The following ZDHHC14 variants were observed in gnomAD, a reference collection of about 807,000 sequenced individuals.
ZDHHC14 encodes the protein zDHHC palmitoyltransferase 14, also known as palmitoyltransferase ZDHHC14.
In ZDHHC14, 16 loss-of-function variants were observed where a neutral mutation model predicts 47.7. The observed-to-expected ratio is 0.34, with a 90% CI of 0.23 to 0.51. ZDHHC14 has a LOEUF of 0.51. Ranked by LOEUF, ZDHHC14 falls within the 20% of genes least tolerant of loss-of-function variation. The pLI is 0.97. For missense variants in ZDHHC14, 515 were observed against 662.5 expected, an observed-to-expected ratio of 0.78 and a Z score of 2.44; for synonymous variants, 293 against 278.9, an observed-to-expected ratio of 1.05 and a Z score of -0.50.
intron 5 of ZDHHC14, among the ~76,000 whole-genome samples, chr6:157,639,377 T>G (rs1419437591): frequency 6.6e-6 from 1 of 152,238 alleles, no homozygotes; most frequent in Non-Finnish European, 1.5e-5. Flanking sequence ...AGACCTCGGC[T>G]CACTGCAACC....
At chr6:157,400,400 T>TCAAACTTTTAAAGGGTGACCTA in intron 1 of ZDHHC14, among the ~76,000 whole-genome samples, 1 of 152,020 alleles carries the variant, frequency 6.6e-6, no homozygotes. Context: ...ACAGTGCCCT[T>TCAAACTTTTAAAGGGTGACCTA]CAAACTTTTA....
chr6:157,462,120 T>C (rs181859713), intron 1 of ZDHHC14, among the ~76,000 whole-genome samples: 3 of 152,302 alleles, frequency 2.0e-5, no homozygotes, highest in African/African-American at 7.2e-5. Context: ...CTGAGCTTAT[T>C]TATAGTTTCA....
intron 2 of ZDHHC14, among the ~76,000 whole-genome samples, chr6:157,581,730 GA>G (rs144581057): frequency 0.28 from 42,140 of 151,714 alleles, 7,244 homozygotes; most frequent in African/African-American, 0.5. Context: ...CTGAAATTAG[GA>G]ATAGCAACCC....
chr6:157,580,820 T>G (rs951623905), intron 2 of ZDHHC14, among the ~76,000 whole-genome samples: 3 of 152,082 alleles, frequency 2.0e-5, no homozygotes, highest in Admixed American at 6.6e-5. Flanking sequence ...CCCTCCTTTT[T>G]TTATTAGTCT....
At chr6:157,626,156 T>C (rs572907997) in intron 3 of ZDHHC14, among the ~76,000 whole-genome samples, 1 of 152,294 alleles carries the variant, frequency 6.6e-6, no homozygotes, top group African/African-American at 2.4e-5. Flanking sequence ...TAACGATGCC[T>C]CCCAGACCCT....
At chr6:157,647,781 A>AG (rs1423178387) in intron 7 of ZDHHC14, among the ~76,000 whole-genome samples, 2 of 152,202 alleles carry the variant, frequency 1.3e-5, no homozygotes, top group Non-Finnish European at 2.9e-5. Context: ...CACAATAGAA[A>AG]TGTTCATAGG....
At chr6:157,505,297 T>C (rs2114742765) in intron 1 of ZDHHC14, among the ~76,000 whole-genome samples, 1 of 152,306 alleles carries the variant, frequency 6.6e-6, no homozygotes, top group South Asian at 2.1e-4. Context: ...ATTGGAAGTA[T>C]TGTTTTATTT....
chr6:157,579,190 G>GTT (rs1187065924), intron 2 of ZDHHC14, among the ~76,000 whole-genome samples: 17,581 of 63,598 alleles, frequency 0.28, 6,127 homozygotes, highest in East Asian at 0.32. Context: ...TTGATTCTGT[G>GTT]TTTTTTTTTT....
intron 2 of ZDHHC14, among the ~76,000 whole-genome samples, chr6:157,546,129 C>G (rs1210815555): frequency 1.3e-5 from 2 of 152,220 alleles, no homozygotes; most frequent in East Asian, 3.9e-4. Context: ...CTTAGCTGTA[C>G]CTCCTCCAGG....
rs532998788 is a variant in ZDHHC14, at chr6:157,414,963, C to G, written c.245+32697C>G. 3.8e-4 allele frequency among the ~76,000 whole-genome samples: 57 copies of G among 151,852 alleles called. 2 individuals are homozygous for G. The South Asian group carries it at 0.012, about 32-fold the overall frequency. On this transcript the variant is annotated intron_variant, in intron 1 of 8. Transcript: ENST00000359775. Reference sequence around the variant, plus strand: ...GCTTGGATCTTCGTAACTCTCATACCTTTGTTTGTCTCTATAGTTACAACT... The same window carrying G: ...GCTTGGATCTTCGTAACTCTCATACGTTTGTTTGTCTCTATAGTTACAACT...
chr6:157,504,199 T>G (rs1011353810), intron 1 of ZDHHC14, among the ~76,000 whole-genome samples: 2 of 152,112 alleles, frequency 1.3e-5, no homozygotes, highest in Non-Finnish European at 2.9e-5. Context: ...TATATTTTTT[T>G]TTTGTTTGCT....
intron 1 of ZDHHC14, among the ~76,000 whole-genome samples, chr6:157,515,527 T>TATCTCC (rs984491069): frequency 1.4e-5 from 2 of 148,058 alleles, no homozygotes; most frequent in African/African-American, 5.0e-5. Flanking sequence ...AGTGGCGCGC[T>TATCTCC]ATCTCCGCTC....
intron 3 of ZDHHC14, among the ~76,000 whole-genome samples, chr6:157,624,987 A>T (rs1211970186): frequency 1.3e-5 from 2 of 152,168 alleles, no homozygotes; most frequent in Non-Finnish European, 2.9e-5. Flanking sequence ...AGAAGGCAGG[A>T]GGGCAAGAGA....
chr6:157,602,120 T>C lies in ZDHHC14; in HGVS notation c.565+8974T>C, dbSNP rs977423378. On this transcript the variant is annotated intron_variant, in intron 3 of 8. Coordinates refer to ENST00000359775, the MANE Select transcript of ZDHHC14 (RefSeq NM_024630.3). ...GGGAGGCTTAGGCAGGAGAATTGCT[T>C]GAACCCGGGAGGCTCGAGGTTGCAG... Among the ~76,000 whole-genome samples the C allele has an allele frequency of 2.8e-4, 42 of 151,588 alleles. 1 individual carries two copies. The highest frequency in any genetic ancestry group is 9.9e-4 in the African/African-American group (41 of 41,226).
chr6:157,622,493 C>A (rs1785236815), intron 3 of ZDHHC14, among the ~76,000 whole-genome samples: 1 of 152,172 alleles, frequency 6.6e-6, no homozygotes, highest in East Asian at 1.9e-4. Context: ...TTCCCACTGA[C>A]CACTTTAATG....
chr6:157,534,595 TTTC>T (rs1781477013), intron 1 of ZDHHC14, among the ~76,000 whole-genome samples: 2 of 136,242 alleles, frequency 1.5e-5, no homozygotes, highest in East Asian at 4.0e-4. Flanking sequence ...TTTCATTTCA[TTTC>T]ATGTTTTTGA....
intron 1 of ZDHHC14, among the ~76,000 whole-genome samples, chr6:157,466,127 G>A (rs1779210466): frequency 6.6e-6 from 1 of 152,182 alleles, no homozygotes. Context: ...TTCTACCTTG[G>A]CCTGATCCTC....
At chr6:157,647,067 C>T (rs765746016) in intron 6 of ZDHHC14, among the ~76,000 whole-genome samples, 192 bp from the exon 7 acceptor site, 10 of 152,158 alleles carry the variant, frequency 6.6e-5, no homozygotes, top group South Asian at 6.2e-4. Flanking sequence ...GTTATTCTTT[C>T]CCTATTCTAA....
intron 1 of ZDHHC14, among the ~76,000 whole-genome samples, chr6:157,486,660 C>A (rs1046326222): frequency 2.2e-4 from 34 of 152,136 alleles, no homozygotes; most frequent in African/African-American, 7.7e-4. Context: ...GCAGAGGAAG[C>A]CTGACGATGC....
Sources: gnomAD v4.1 joint callset for allele counts (sites outside exome capture counted in the v4.1 genomes callset) on GRCh38, gnomAD v4.1.1 for gene constraint, MANE v1.5 for transcripts, NCBI Gene and HGNC (gene_info 2026-07-23, HGNC 2026-07-21) for gene names.